The following CEP290 variants were observed in gnomAD, a reference collection of about 807,000 sequenced individuals.
The protein encoded by CEP290 is centrosomal protein 290, also known as centrosomal protein of 290 kDa.
A neutral mutation model predicts 344.9 loss-of-function variants in CEP290; 317 were observed. The ratio of observed to expected loss-of-function variants is 0.92; its 90% CI spans 0.84 to 1.01. CEP290 has a LOEUF of 1.01. Among genes scored for constraint, CEP290 ranks in the 50% least tolerant of loss-of-function variants. The probability of loss-of-function intolerance (pLI) is 0.00; values close to 1 mark genes in which losing one functional copy is unlikely to be tolerated. For synonymous variants in CEP290, 932 were observed against 895.8 expected (o/e 1.04, Z -0.72); for missense variants, 2,754 against 2,761.4 (o/e 1.00, Z 0.06).
chr12:88,102,479 C>T (rs1262152172), intron 26 of CEP290, among the ~76,000 whole-genome samples: 3 of 152,082 alleles, frequency 2.0e-5, no homozygotes, highest in East Asian at 3.9e-4. Context: ...TTAATGAGTG[C>T]TTCCCTCCTT....
At chr12:88,071,671 C>T in intron 42 of CEP290, 110 bp downstream of exon 42, 1 of 920,024 alleles carries the variant, frequency 1.1e-6, no homozygotes, top group Non-Finnish European at 1.6e-6. Flanking sequence ...AATAAATGAT[C>T]ATTTAAACTA....
chr12:88,106,802 A>G lies in CEP290; in HGVS notation c.2690T>C (p.Ile897Thr). The G allele has an allele frequency of 3.7e-6, 6 of 1,608,864 alleles. No individual in the cohort carries two copies. Among genetic ancestry groups the G allele is most frequent in the Non-Finnish European group, 4.2e-6 (5 of 1,177,254 alleles). The change falls in exon 25 of 54, where the codon ATA becomes ACA. Residue 897 changes from isoleucine (I) to threonine (T), a missense_variant. Coordinates refer to ENST00000552810, the MANE Select transcript of CEP290 (RefSeq NM_025114.4). ...TVLQVNEKSL[I>T]RQYTTLVELE... ...TTCTACTAAGGTTGTATATTGCCTT[A>G]TAAGTGATTTTTCATTCACTTGCAA... is the stretch of plus-strand genomic sequence containing the variant.
At chr12:88,117,770 C>T (rs551993493) in intron 17 of CEP290, among the ~76,000 whole-genome samples, 6 of 152,332 alleles carry the variant, frequency 3.9e-5, no homozygotes, top group African/African-American at 1.2e-4. Flanking sequence ...CATGGTGGCT[C>T]ACGCCTATAA....
chr12:88,117,893 A>G (rs898671019), intron 17 of CEP290, among the ~76,000 whole-genome samples: 1 of 151,994 alleles, frequency 6.6e-6, no homozygotes, highest in African/African-American at 2.4e-5. Context: ...AAAATAAGTC[A>G]GGCGTGGTGG....
At chr12:88,103,497 A>G (rs1395068305) in intron 25 of CEP290, 2 of 152,764 alleles carry the variant, frequency 1.3e-5, no homozygotes, top group African/African-American at 4.8e-5. Flanking sequence ...TTAGCGGGAG[A>G]GCTTCTATTA....
intron 41 of CEP290, among the ~76,000 whole-genome samples, chr12:88,073,557 TATA>T (rs1444383040): frequency 1.3e-5 from 2 of 152,226 alleles, no homozygotes; most frequent in African/African-American, 4.8e-5. Context: ...GCATTTCAAT[TATA>T]ATAGTAAAGG....
At chr12:88,136,442 C>A in intron 6 of CEP290, 1 of 542,196 alleles carries the variant, frequency 1.8e-6, no homozygotes, top group Non-Finnish European at 3.2e-6. Flanking sequence ...AAGAATTAAT[C>A]TTCAAGTCAT....
At chr12:88,118,840 C>A in intron 15 of CEP290, 97 bp from the exon 16 acceptor site, 1 of 715,062 alleles carries the variant, frequency 1.4e-6, no homozygotes, top group South Asian at 2.5e-5. Flanking sequence ...ATTCACTTAG[C>A]CAGTATCACT....
In CEP290 at chr12:88,101,727, T is replaced by C. The variant is rs954880718; in HGVS notation, c.2991+1111A>G. Among the ~76,000 whole-genome samples the C allele has an allele frequency of 3.3e-5, 5 of 151,314 alleles. 1 individual carries two copies. Among genetic ancestry groups the C allele is most frequent in the Admixed American group, 3.3e-4 (5 of 15,200 alleles). ...TTTGGGAAAATGATAACGTTAAACA[T>C]CACTCATTGATACATTATCCACAAG... On this transcript the variant is annotated intron_variant, in intron 26 of 53. Coordinates refer to ENST00000552810, the MANE Select transcript of CEP290 (RefSeq NM_025114.4).
intron 35 of CEP290, 139 bp from the exon 36 acceptor site, chr12:88,084,093 TA>T: frequency 1.7e-6 from 1 of 594,910 alleles, no homozygotes; most frequent in Non-Finnish European, 2.9e-6. Flanking sequence ...TATATGTATG[TA>T]TCTAGACTGG....
intron 29 of CEP290, among the ~76,000 whole-genome samples, chr12:88,091,942 C>T (rs1168196590): frequency 6.6e-6 from 1 of 152,032 alleles, no homozygotes. Context: ...TTGACAGAGT[C>T]TCGCTCTGTC....
intron 31 of CEP290, among the ~76,000 whole-genome samples, 183 bp downstream of exon 31, chr12:88,088,849 T>G (rs2036789622): frequency 6.6e-6 from 1 of 151,986 alleles, no homozygotes; most frequent in African/African-American, 2.4e-5. Context: ...TTTAAAAATT[T>G]TAAAAAATTA....
chr12:88,077,745 C>T lies in CEP290; in HGVS notation c.5538G>A (p.Glu1846=), dbSNP rs2035887338. The T allele has an allele frequency of 1.3e-6, 2 of 1,580,110 alleles. No individual in the cohort carries two copies. The highest frequency in any genetic ancestry group is 1.8e-4 in the Middle Eastern group (1 of 5,568). ...TAATTTGCCTTTTCAGTTCATCATT[C>T]TCTTGATCAATTTCCTCTTTCTCTC... The part of the protein sequence containing the change: ...ILREKEEIDQ[E]NDELKRQIKR... The change falls in exon 40 of 54, where the codon GAG becomes GAA. Residue 1846 remains glutamate (E), a synonymous_variant. Transcript: ENST00000552810.
rs1045048500 is a variant in CEP290, at chr12:88,077,142, T to C, written c.5709+80A>G. On this transcript the variant is annotated intron_variant, in intron 41 of 53. Coordinates refer to ENST00000552810, the MANE Select transcript of CEP290 (RefSeq NM_025114.4). The stretch of plus-strand genomic sequence containing the variant: ...GCCAGGTCATCAAATTAAGGCAGTA[T>C]ATTAACTGTTAATCAGCTATGTATT... 1.3e-5 allele frequency: 18 copies of C among 1,337,562 alleles called. No individual in the cohort carries two copies. The African/African-American group carries it at 1.5e-4, about 11-fold the overall frequency. 82.9% of individuals were successfully genotyped at this position (1,337,562 alleles called of 1,614,324 possible). A position where few individuals can be genotyped will look rare whatever the true frequency, so the allele number is the denominator to read the frequency against.
Position 88,064,077 on chromosome 12 carries a change from TTCTC to T in CEP290, c.6170_6173del (p.Arg2057AsnfsTer9). On this transcript the variant is annotated frameshift_variant, in exon 45 of 54. Transcript: ENST00000552810. LOFTEE classifies it high-confidence loss of function. ...TCAAGTTTTCCTTCTGAAGCTCCTG[TTCTC>T]TCTGACAATGATCATCTGACTCTAT... 1 of 1,583,718 alleles carries T rather than the reference TTCTC, an allele frequency of 6.3e-7. No individual in the cohort carries two copies. Among genetic ancestry groups the T allele is most frequent in the Non-Finnish European group, 8.6e-7 (1 of 1,162,942 alleles).
At chr12:88,094,584 A>G (rs907160199) in intron 27 of CEP290, among the ~76,000 whole-genome samples, 32 of 152,096 alleles carry the variant, frequency 2.1e-4, no homozygotes, top group Non-Finnish European at 4.0e-4. Flanking sequence ...CTTTGGACAC[A>G]AAAGTCTGTG....
intron 41 of CEP290, among the ~76,000 whole-genome samples, chr12:88,076,471 T>A (rs1401275181): frequency 1.3e-5 from 2 of 152,138 alleles, no homozygotes; most frequent in Admixed American, 1.3e-4. Flanking sequence ...TCCTCCATAC[T>A]GATTTTCTTC....
chr12:88,136,930 T>A, intron 5 of CEP290, 144 bp from the exon 6 acceptor site: 1 of 194,054 alleles, frequency 5.2e-6, no homozygotes, highest in Non-Finnish European at 9.4e-6. Flanking sequence ...GCTTAAGAAC[T>A]TTTTTTTTTT....
intron 50 of CEP290, 25 bp downstream of exon 50, chr12:88,055,551 T>A (rs1345202001): frequency 6.5e-7 from 1 of 1,540,792 alleles, no homozygotes; most frequent in South Asian, 1.2e-5. Flanking sequence ...TATTTTATCA[T>A]GTAAAGAAAA....
Sources: gnomAD v4.1 joint callset for allele counts (sites outside exome capture counted in the v4.1 genomes callset) on GRCh38, gnomAD v4.1.1 for gene constraint, MANE v1.5 for transcripts, NCBI Gene and HGNC (gene_info 2026-07-23, HGNC 2026-07-21) for gene names.